Variants in ZSCAN5A observed in about 807,000 individuals in gnomAD.
ZSCAN5A encodes zinc finger and SCAN domain containing 5A, also known as zinc finger and SCAN domain-containing protein 5A.
A neutral mutation model predicts 23.7 loss-of-function variants in ZSCAN5A; 12 were observed. The ratio of observed to expected loss-of-function variants is 0.51; its 90% CI spans 0.32 to 0.82. ZSCAN5A has a LOEUF of 0.82. Among genes scored for constraint, ZSCAN5A ranks in the 40% least tolerant of loss-of-function variants. The probability of loss-of-function intolerance (pLI) is 0.03; values close to 1 mark genes in which losing one functional copy is unlikely to be tolerated. For missense variants in ZSCAN5A, 597 were observed against 617.9 expected (o/e 0.97, Z 0.36); for synonymous variants, 257 against 239.9 (o/e 1.07, Z -0.66).
At chr19:56,297,385 TCTCC>T (rs1166793988) in intron 2 of ZSCAN5A, 1 of 173,814 alleles carries the variant, frequency 5.8e-6, no homozygotes, top group African/African-American at 2.4e-5. Context: ...TCCCTCCCTC[TCTCC>T]CTCCCTTTCT....
chr19:56,249,758 G>GC (rs1319336377), intron 2 of ZSCAN5A, among the ~76,000 whole-genome samples: 3 of 151,814 alleles, frequency 2.0e-5, no homozygotes, highest in Non-Finnish European at 4.4e-5. Flanking sequence ...TGATACGATG[G>GC]CCTCCTCTTC....
At chr19:56,297,356 C>G (rs978905288) in intron 2 of ZSCAN5A, 1 of 162,934 alleles carries the variant, frequency 6.1e-6, no homozygotes, top group South Asian at 2.0e-4. Context: ...CCTTTCTTTT[C>G]TCCTCCTCTT....
chr19:56,239,875 G>T (rs1211252525), intron 2 of ZSCAN5A, among the ~76,000 whole-genome samples: 1 of 152,078 alleles, frequency 6.6e-6, no homozygotes, highest in Non-Finnish European at 1.5e-5. Context: ...AAAACTTGTG[G>T]ACCTAGGGCC....
At chr19:56,224,518 T>C in intron 3 of ZSCAN5A, 145 bp downstream of exon 3, 1 of 1,114,170 alleles carries the variant, frequency 9.0e-7, no homozygotes, top group East Asian at 2.4e-5. Flanking sequence ...CCCCAGACAC[T>C]GCCATGTGTC....
At chr19:56,252,995 C>G (rs1245078411) in intron 2 of ZSCAN5A, among the ~76,000 whole-genome samples, 12 of 152,238 alleles carry the variant, frequency 7.9e-5, no homozygotes, top group Admixed American at 3.9e-4. Context: ...CTCCCACCCC[C>G]TCTAGTGGCA....
chr19:56,322,247 A>G (rs2041383834), intron 2 of ZSCAN5A: 2 of 1,103,534 alleles, frequency 1.8e-6, no homozygotes, highest in East Asian at 4.7e-5. Context: ...AGAAAGTCCT[A>G]AAACAGTTGC....
chr19:56,290,044 C>T (rs1270376218), intron 2 of ZSCAN5A, among the ~76,000 whole-genome samples: 2 of 152,180 alleles, frequency 1.3e-5, no homozygotes, highest in Non-Finnish European at 2.9e-5. Flanking sequence ...TCAAATGGAA[C>T]CCAAGTTATA....
intron 2 of ZSCAN5A, chr19:56,320,546 T>C (rs918804617): frequency 3.1e-5 from 14 of 455,552 alleles, no homozygotes; most frequent in African/African-American, 2.2e-4. Context: ...CAGGAGGCGG[T>C]GATTGCAGTG....
upstream of ZSCAN5A, among the ~76,000 whole-genome samples, chr19:56,318,415 G>T (rs1464102546): frequency 6.6e-6 from 1 of 151,992 alleles, no homozygotes; most frequent in Non-Finnish European, 1.5e-5. Context: ...TGACAACCCA[G>T]CCTTGAACAT....
chr19:56,257,277 T>C (rs1046580824), intron 2 of ZSCAN5A, among the ~76,000 whole-genome samples: 1 of 152,080 alleles, frequency 6.6e-6, no homozygotes, highest in Admixed American at 6.5e-5. Flanking sequence ...GATTTACACG[T>C]TAGAATCCCT....
intron 2 of ZSCAN5A, chr19:56,281,828 A>T (rs945589113): frequency 1.9e-5 from 7 of 375,354 alleles, no homozygotes; most frequent in Non-Finnish European, 2.6e-5. Context: ...AGATGTCCTC[A>T]ATTCAAACAT....
At chr19:56,315,551 G>A (rs1026705374), upstream of ZSCAN5A, 2 of 152,374 alleles carry the variant, frequency 1.3e-5, no homozygotes, top group African/African-American at 4.8e-5. Flanking sequence ...GCTGCCCACG[G>A]GAGGGGAGAA....
chr19:56,246,752 A>G, intron 2 of ZSCAN5A: 5 of 1,501,616 alleles, frequency 3.3e-6, no homozygotes, highest in Non-Finnish European at 4.6e-6. Flanking sequence ...GGAGCAAAGG[A>G]GGGGAAGGAA....
At chr19:56,290,424 G>A (rs2039435293) in intron 2 of ZSCAN5A, among the ~76,000 whole-genome samples, 1 of 152,230 alleles carries the variant, frequency 6.6e-6, no homozygotes, top group African/African-American at 2.4e-5. Flanking sequence ...CCCTTTAGAG[G>A]TCAGACATTT....
At chr19:56,230,656 T>TGTGTGTGTGTG (rs1600015813) in intron 2 of ZSCAN5A, among the ~76,000 whole-genome samples, 1 of 145,182 alleles carries the variant, frequency 6.9e-6, no homozygotes. Context: ...TGTGTGTGTG[T>TGTGTGTGTGTG]TGGAAACATT....
At chr19:56,262,670 A>C (rs1211324094) in intron 2 of ZSCAN5A, among the ~76,000 whole-genome samples, 2 of 150,258 alleles carry the variant, frequency 1.3e-5, no homozygotes, top group Admixed American at 1.3e-4. Context: ...GACCTCAAGT[A>C]ATCCACCCAC....
intron 2 of ZSCAN5A, among the ~76,000 whole-genome samples, chr19:56,359,322 C>G (rs1282862818): frequency 6.6e-6 from 1 of 151,988 alleles, no homozygotes; most frequent in Non-Finnish European, 1.5e-5. Flanking sequence ...CAATCAGAAA[C>G]TCTAGAATAA....
intron 2 of ZSCAN5A, among the ~76,000 whole-genome samples, chr19:56,292,458 CTT>C (rs899365291): frequency 7.4e-6 from 1 of 135,146 alleles, no homozygotes. Flanking sequence ...TCTGTTTTTA[CTT>C]TTTTTTTTTT....
rs891366696 is a variant in ZSCAN5A, at chr19:56,320,489, G to A, written c.-357-4221C>T. ...TCTACTAAAAATACAAAATTAGCCTGTAACTCCAGGTACTCGGGAGGATGA... is the reference window on the plus strand; with the variant it reads ...TCTACTAAAAATACAAAATTAGCCTATAACTCCAGGTACTCGGGAGGATGA... On this transcript the variant is annotated intron_variant, in intron 2 of 6. Coordinates refer to the ZSCAN5A transcript ENST00000587340. 18 of 376,714 alleles carry A rather than the reference G, an allele frequency of 4.8e-5. 1 individual carries two copies. In the Admixed American group the frequency reaches 5.6e-4, roughly 12 times the overall value. 23.3% of individuals were successfully genotyped at this position (376,714 alleles called of 1,614,324 possible).
Sources: gnomAD v4.1 joint callset for allele counts (sites outside exome capture counted in the v4.1 genomes callset) on GRCh38, gnomAD v4.1.1 for gene constraint, MANE v1.5 for transcripts, NCBI Gene and HGNC (gene_info 2026-07-23, HGNC 2026-07-21) for gene names.